Variants in CCND2 observed in about 807,000 individuals in gnomAD.
The protein encoded by CCND2 is cyclin D2, also known as G1/S-specific cyclin-D2.
Under a neutral mutation model 30.2 loss-of-function variants are expected in CCND2, and 6 were observed. That is an observed-to-expected ratio of 0.20 (90% CI 0.11 to 0.39). CCND2 has a LOEUF of 0.39. Ranked by LOEUF, CCND2 falls within the 10% of genes least tolerant of loss-of-function variation. The probability of loss-of-function intolerance (pLI) is 1.00; values close to 1 mark genes in which losing one functional copy is unlikely to be tolerated. For synonymous variants in CCND2, 150 were observed against 153.1 expected (o/e 0.98, Z 0.15); for missense variants, 235 against 373.4 (o/e 0.63, Z 3.06).
At chr12:4,283,832 C>T (rs369176735) in intron 3 of CCND2, among the ~76,000 whole-genome samples, 1 of 152,242 alleles carries the variant, frequency 6.6e-6, no homozygotes, top group Non-Finnish European at 1.5e-5. Flanking sequence ...GAGTTGCCAA[C>T]TTCTCTCTTC....
At chr12:4,286,444 G>A (rs886200022) in intron 3 of CCND2, among the ~76,000 whole-genome samples, 4 of 152,216 alleles carry the variant, frequency 2.6e-5, no homozygotes, top group Non-Finnish European at 5.9e-5. Flanking sequence ...CTGGAGGAGA[G>A]GTGGGGCATG....
intron 4 of CCND2, among the ~76,000 whole-genome samples, chr12:4,291,733 C>G (rs1359279844): frequency 6.6e-6 from 1 of 152,018 alleles, no homozygotes; most frequent in African/African-American, 2.4e-5. Context: ...AGTAGAGAAA[C>G]AAAATGTATG....
intron 3 of CCND2, among the ~76,000 whole-genome samples, chr12:4,284,025 C>T (rs1863988261): frequency 6.6e-6 from 1 of 152,196 alleles, no homozygotes; most frequent in Admixed American, 6.5e-5. Flanking sequence ...CCTGCTTGGC[C>T]TGCTCCCTGC....
chr12:4,281,121 C>T (rs1280333033), intron 3 of CCND2, among the ~76,000 whole-genome samples: 3 of 152,118 alleles, frequency 2.0e-5, no homozygotes, highest in Admixed American at 1.3e-4. Context: ...GAAAGGACAC[C>T]CCCAAACCAC....
chr12:4,291,433 G>A (rs1565436203), intron 4 of CCND2, among the ~76,000 whole-genome samples: 5 of 151,882 alleles, frequency 3.3e-5, no homozygotes, highest in Admixed American at 2.0e-4. Flanking sequence ...ATTCGTTTCT[G>A]GAAGTCTTTA....
In CCND2 at chr12:4,285,516, T is replaced by A. The variant is rs1344084865; in HGVS notation, c.572-3326T>A. Reference sequence around the variant, plus strand: ...TTCTCCCACCTAACAGAACAGCTTTTATTTTCCGTGCATCCTTCCAGTTCA... The same window carrying A: ...TTCTCCCACCTAACAGAACAGCTTTAATTTTCCGTGCATCCTTCCAGTTCA... On this transcript the variant is annotated intron_variant, in intron 3 of 4. Coordinates refer to ENST00000261254, the MANE Select transcript of CCND2 (RefSeq NM_001759.4). The surrounding 1 kb of genome is among the most constrained non-coding windows in gnomAD (Gnocchi z 4.1). The A allele has an allele frequency of 3.0e-6, 2 of 672,082 alleles. No homozygotes were observed. The highest frequency in any genetic ancestry group is 3.7e-6 in the Non-Finnish European group (2 of 544,154). 41.6% of individuals were successfully genotyped at this position (672,082 alleles called of 1,614,324 possible).
chr12:4,298,472 T>C (rs939205897), intron 4 of CCND2, among the ~76,000 whole-genome samples: 2 of 152,234 alleles, frequency 1.3e-5, no homozygotes, highest in East Asian at 3.8e-4. Context: ...GGTATCGAAC[T>C]CCTGGTTTCA....
intron 3 of CCND2, among the ~76,000 whole-genome samples, chr12:4,281,159 C>T (rs1341302262): frequency 6.6e-6 from 1 of 152,212 alleles, no homozygotes; most frequent in African/African-American, 2.4e-5. Context: ...GGCACTAAGC[C>T]TCAGGCGTTG....
At position 4,299,816 on chromosome 12, in the gene CCND2, C is replaced by T; in HGVS notation, c.721-44C>T. 1.3e-6 allele frequency: 2 copies of T among 1,589,370 alleles called. No homozygotes were observed. Among genetic ancestry groups the T allele is most frequent in the Non-Finnish European group, 1.7e-6 (2 of 1,161,668 alleles). ...GTTTTCTCCGTAGGATGCTCTATGT[C>T]CTGTTCCTCTTACTAACAACTCTGG... On this transcript the variant is annotated intron_variant, in intron 4 of 4. Coordinates refer to ENST00000261254, the MANE Select transcript of CCND2 (RefSeq NM_001759.4). The surrounding 1 kb of genome is among the most constrained non-coding windows in gnomAD (Gnocchi z 5.2).
In CCND2 at chr12:4,304,930, A is replaced by ATC. The variant is rs1164749223; in HGVS notation, c.*4934_*4935dup. 48 of 223,700 alleles carry ATC rather than the reference A, an allele frequency of 2.1e-4. No homozygotes were observed. Among genetic ancestry groups the ATC allele is most frequent in the African/African-American group, 1.0e-3 (44 of 43,958 alleles). The allele number at this position is 223,700 out of a possible 1,614,324, so 13.9% of individuals were successfully genotyped here. ...ATCACCCTTATATCATGTACCTCAGATCTCTCTCTCTCTCCTCTCTCTCAG... is the reference window on the plus strand; with the variant it reads ...ATCACCCTTATATCATGTACCTCAGATCTCTCTCTCTCTCTCCTCTCTCTCAG... On this transcript the variant is annotated 3_prime_UTR_variant, in exon 5 of 5. Transcript: ENST00000261254. This position sits in a 1 kb window ranked among gnomAD's most constrained non-coding sequence, Gnocchi z 6.2.
chr12:4,296,513 C>T (rs1458637637), intron 4 of CCND2, among the ~76,000 whole-genome samples: 1 of 152,258 alleles, frequency 6.6e-6, no homozygotes, highest in East Asian at 1.9e-4. Context: ...GCCTCGTGTG[C>T]ACACGCACAC....
At chr12:4,289,687 G>A (rs1036773174) in intron 4 of CCND2, among the ~76,000 whole-genome samples, 33 of 152,314 alleles carry the variant, frequency 2.2e-4, no homozygotes, top group African/African-American at 7.7e-4. Context: ...GAGAGACCAG[G>A]GTCAAGTGAG....
At position 4,285,592 on chromosome 12, in the gene CCND2, G is replaced by A. The variant is rs919397359; in HGVS notation, c.572-3250G>A. ...ACCCATGGTTGTAATCTTCATCGTC[G>A]CATGCATGCATGCAATTTGGTTTTC... On this transcript the variant is annotated intron_variant, in intron 3 of 4. Coordinates refer to ENST00000261254, the MANE Select transcript of CCND2 (RefSeq NM_001759.4). The surrounding 1 kb of genome is among the most constrained non-coding windows in gnomAD (Gnocchi z 4.1). The A allele has an allele frequency of 5.0e-5, 10 of 198,184 alleles. No homozygotes were observed. Among genetic ancestry groups the A allele is most frequent in the South Asian group, 1.8e-4 (1 of 5,692 alleles). 12.3% of individuals were successfully genotyped at this position (198,184 alleles called of 1,614,324 possible). A position where few individuals can be genotyped will look rare whatever the true frequency, so the allele number is the denominator to read the frequency against.
chr12:4,288,454 C>T (rs371952153), intron 3 of CCND2, among the ~76,000 whole-genome samples: 1 of 152,234 alleles, frequency 6.6e-6, no homozygotes, highest in Non-Finnish European at 1.5e-5. Context: ...ATTCTCTGCT[C>T]TGTTCCCACC....
Position 4,299,976 on chromosome 12 carries a change from C to A in CCND2, c.837C>A (p.Ser279Arg). Residue 279 changes from serine to arginine, a missense_variant, in exon 5 of 5, where the codon AGC becomes AGA. By Grantham distance (110) the Ser-to-Arg change is moderately radical. Coordinates refer to ENST00000261254, the MANE Select transcript of CCND2 (RefSeq NM_001759.4). This position sits in a 1 kb window ranked among gnomAD's most constrained non-coding sequence, Gnocchi z 5.2. ...SKSEDELDQASTPTDVRDIDL is the reference protein window; with the variant it reads ...SKSEDELDQARTPTDVRDIDL ...CGGAGGATGAACTGGACCAAGCCAG[C>A]ACCCCTACAGACGTGCGGGATATCG... 5 of 1,614,070 alleles carry A rather than the reference C, an allele frequency of 3.1e-6. No individual in the cohort carries two copies. The highest frequency in any genetic ancestry group is 3.3e-4 in the Middle Eastern group (2 of 6,062).
Position 4,301,851 on chromosome 12 carries a change from A to T in CCND2, c.*1842A>T, listed in dbSNP as rs1864254260. ...AAGTCCTGAAGTAGATGGTTGAGAT[A>T]TGAGTTCTTCGTACTGGAAAAGCCC... On this transcript the variant is annotated 3_prime_UTR_variant, in exon 5 of 5. Coordinates refer to ENST00000261254, the MANE Select transcript of CCND2 (RefSeq NM_001759.4). 4.3e-6 allele frequency: 1 copy of T among 231,266 alleles called. No homozygotes were observed. The highest frequency in any genetic ancestry group is 8.5e-6 in the Non-Finnish European group (1 of 117,214). 14.3% of individuals were successfully genotyped at this position (231,266 alleles called of 1,614,324 possible). A position where few individuals can be genotyped will look rare whatever the true frequency, so the allele number is the denominator to read the frequency against.
In CCND2 at chr12:4,301,684, G is replaced by GTTTT; in HGVS notation, c.*1687_*1690dup. The GTTTT allele has an allele frequency of 5.4e-6, 1 of 186,212 alleles. No homozygotes were observed. 11.5% of individuals were successfully genotyped at this position (186,212 alleles called of 1,614,324 possible). On this transcript the variant is annotated 3_prime_UTR_variant, in exon 5 of 5. Transcript: ENST00000261254. Reference sequence around the variant, plus strand: ...TTTTAATTTTGTTTTGTTCAGTTTGGTTTTTTTTTTTTTTTGCGCTGCTAA... The same window carrying GTTTT: ...TTTTAATTTTGTTTTGTTCAGTTTGGTTTTTTTTTTTTTTTTTTTGCGCTGCTAA...
intron 3 of CCND2, among the ~76,000 whole-genome samples, chr12:4,283,083 C>T (rs1295331701): frequency 6.6e-6 from 1 of 152,228 alleles, no homozygotes; most frequent in Non-Finnish European, 1.5e-5. Flanking sequence ...GCTAAATGTA[C>T]TGGGCAGGAC....
rs2120532123 is a variant in CCND2, at chr12:4,278,891, T to C, written c.543T>C (p.Ala181=). Residue 181 remains alanine, a synonymous_variant, in exon 3 of 5, where the codon GCT becomes GCC. Transcript: ENST00000261254. The part of the protein sequence containing the change: ...REKLSLIRKH[A]QTFIALCATD... ...AGCTGTCTCTGATCCGCAAGCATGC[T>C]CAGACCTTCATTGCTCTGTGTGCCA... is the stretch of plus-strand genomic sequence containing the variant. The C allele has an allele frequency of 6.2e-7, 1 of 1,613,922 alleles. No homozygotes were observed. Among genetic ancestry groups the C allele is most frequent in the South Asian group, 1.1e-5 (1 of 91,082 alleles).
Sources: gnomAD v4.1 joint callset for allele counts (sites outside exome capture counted in the v4.1 genomes callset) on GRCh38, gnomAD v4.1.1 for gene constraint, Gnocchi (gnomAD v3.1) non-coding constraint, MANE v1.5 for transcripts, NCBI Gene and HGNC (gene_info 2026-07-23, HGNC 2026-07-21) for gene names.